The following OR1J2 variants were observed in gnomAD, a reference collection of about 807,000 sequenced individuals.
OR1J2 encodes olfactory receptor 1J2.
For missense variants in OR1J2, 304 were observed against 246.1 expected (o/e 1.24, Z -1.57); for synonymous variants, 142 against 99.7 (o/e 1.42, Z -2.52).
At chr9:122,457,449 T>C in the OR1J2 span, among the ~76,000 whole-genome samples, 1 of 151,884 alleles carries the variant, frequency 6.6e-6, no homozygotes, top group Admixed American at 6.6e-5. Flanking sequence ...CAATAAACCC[T>C]GGAAATGGAG....
At chr9:122,573,938 T>A in the OR1J2 span, among the ~76,000 whole-genome samples, 2 of 152,222 alleles carry the variant, frequency 1.3e-5, no homozygotes, top group Non-Finnish European at 2.9e-5. Context: ...TTTATTTTTC[T>A]TTTTGGTATG....
chr9:122,448,144 G>A, the OR1J2 span, among the ~76,000 whole-genome samples: 2 of 152,238 alleles, frequency 1.3e-5, no homozygotes, highest in East Asian at 1.9e-4. Flanking sequence ...AGGGGAATGC[G>A]GCAGGAGAAC....
At chr9:122,576,222 C>CTT in the OR1J2 span, among the ~76,000 whole-genome samples, 1 of 151,364 alleles carries the variant, frequency 6.6e-6, no homozygotes. Context: ...TTCTTTTTTA[C>CTT]ATTTTTTTTT....
the OR1J2 span, chr9:122,568,391 A>G: frequency 6.2e-7 from 1 of 1,613,824 alleles, no homozygotes. Flanking sequence ...GGAAGAGAAC[A>G]AAGAGTGTCT....
At chr9:122,456,158 T>G in the OR1J2 span, among the ~76,000 whole-genome samples, 51,003 of 152,090 alleles carry the variant, frequency 0.34, 9,303 homozygotes, top group African/African-American at 0.48. Context: ...TATTTTTCAA[T>G]ATTGTTTTGA....
At chr9:122,458,679 A>G in the OR1J2 span, among the ~76,000 whole-genome samples, 1 of 152,270 alleles carries the variant, frequency 6.6e-6, no homozygotes, top group Admixed American at 6.5e-5. Flanking sequence ...GTTACCTCCC[A>G]CTGGGTCCCA....
upstream of OR1J2, among the ~76,000 whole-genome samples, chr9:122,506,264 CT>C (rs1828522462): frequency 6.6e-6 from 1 of 152,108 alleles, no homozygotes; most frequent in Admixed American, 6.6e-5. Context: ...GAGATATTTT[CT>C]TTGTGTACTC....
the OR1J2 span, among the ~76,000 whole-genome samples, chr9:122,470,136 A>G: frequency 6.6e-6 from 1 of 152,350 alleles, no homozygotes; most frequent in African/African-American, 2.4e-5. Context: ...AAGTGTCTCC[A>G]GGGCATGTCA....
At chr9:122,554,167 A>G in the OR1J2 span, 2 of 1,602,184 alleles carry the variant, frequency 1.2e-6, no homozygotes, top group Non-Finnish European at 1.7e-6. Flanking sequence ...TTATGATTAG[A>G]CATCTAGACG....
chr9:122,472,497 TG>T, the OR1J2 span, among the ~76,000 whole-genome samples: 4 of 152,240 alleles, frequency 2.6e-5, no homozygotes, highest in African/African-American at 9.6e-5. Context: ...CTGCCTATAG[TG>T]CTTCAGAGCT....
chr9:122,499,122 G>C, the OR1J2 span, among the ~76,000 whole-genome samples: 3 of 152,248 alleles, frequency 2.0e-5, no homozygotes, highest in East Asian at 5.8e-4. Context: ...GCCCAGGCCT[G>C]TGGGTTGAGC....
the OR1J2 span, chr9:122,526,840 T>C: frequency 6.2e-7 from 1 of 1,613,824 alleles, no homozygotes; most frequent in African/African-American, 1.3e-5. Context: ...AGGGCAACGA[T>C]ATTGGTGAGG....
the OR1J2 span, among the ~76,000 whole-genome samples, chr9:122,502,298 T>C: frequency 6.6e-6 from 1 of 152,130 alleles, no homozygotes; most frequent in Non-Finnish European, 1.5e-5. Context: ...GCCAACCTAA[T>C]TTTCTTTAAA....
the OR1J2 span, among the ~76,000 whole-genome samples, chr9:122,473,128 G>A: frequency 6.6e-6 from 1 of 152,158 alleles, no homozygotes; most frequent in Admixed American, 6.5e-5. Flanking sequence ...TGGTACAGGG[G>A]AAAACTTACT....
At chr9:122,492,378 A>G in the OR1J2 span, among the ~76,000 whole-genome samples, 1 of 152,010 alleles carries the variant, frequency 6.6e-6, no homozygotes, top group Non-Finnish European at 1.5e-5. Flanking sequence ...TATGTACCAC[A>G]TTTTTTTATT....
At chr9:122,481,648 C>T in the OR1J2 span, among the ~76,000 whole-genome samples, 1 of 152,092 alleles carries the variant, frequency 6.6e-6, no homozygotes, top group African/African-American at 2.4e-5. Flanking sequence ...AAAGTTAAAA[C>T]AATGGTAAGA....
chr9:122,531,833 A>G, the OR1J2 span, among the ~76,000 whole-genome samples: 1 of 152,228 alleles, frequency 6.6e-6, no homozygotes, highest in Non-Finnish European at 1.5e-5. Flanking sequence ...TATGTCTGAC[A>G]GAAGGGAAGA....
chr9:122,545,039 A>G, the OR1J2 span, among the ~76,000 whole-genome samples: 1 of 152,104 alleles, frequency 6.6e-6, no homozygotes, highest in African/African-American at 2.4e-5. Context: ...TACATTTTTA[A>G]TATAATTCAT....
the OR1J2 span, among the ~76,000 whole-genome samples, chr9:122,578,989 C>T: frequency 6.8e-5 from 8 of 116,892 alleles, no homozygotes; most frequent in Non-Finnish European, 1.5e-4. Context: ...TACCACTAAA[C>T]TTATTCATGT....
Sources: allele counts gnomAD v4.1 joint callset (sites outside exome capture counted in the v4.1 genomes callset), GRCh38; gene constraint gnomAD v4.1.1; transcripts MANE v1.5; gene names NCBI Gene and HGNC (gene_info 2026-07-23, HGNC 2026-07-21).